The following ZBTB20 variants were observed in gnomAD, a reference collection of about 807,000 sequenced individuals.
ZBTB20 encodes zinc finger and BTB domain-containing protein 20.
Under a neutral mutation model 56.9 loss-of-function variants are expected in ZBTB20, and 9 were observed. That is an observed-to-expected ratio of 0.16 (90% CI 0.10 to 0.28). The LOEUF (loss-of-function observed/expected upper bound fraction) is 0.28, where lower values mean the gene tolerates loss of function less well. Among genes scored for constraint, ZBTB20 ranks in the 10% least tolerant of loss-of-function variants. The probability of loss-of-function intolerance (pLI) is 1.00; values close to 1 mark genes in which losing one functional copy is unlikely to be tolerated. For missense variants in ZBTB20, 655 were observed against 1,003.0 expected, an observed-to-expected ratio of 0.65 and a Z score of 4.69; for synonymous variants, 417 against 420.7, an observed-to-expected ratio of 0.99 and a Z score of 0.11.
chr3:114,693,072 G>T (rs1181653175), intron 6 of ZBTB20, among the ~76,000 whole-genome samples: 1 of 152,140 alleles, frequency 6.6e-6, no homozygotes, highest in East Asian at 1.9e-4. Flanking sequence ...ATCACTAAAT[G>T]TGTTTGGAGG....
intron 10 of ZBTB20, among the ~76,000 whole-genome samples, chr3:114,352,796 G>C (rs1442211468): frequency 1.3e-5 from 2 of 152,320 alleles, no homozygotes; most frequent in East Asian, 1.9e-4. Flanking sequence ...GAGTGAAAGA[G>C]AGCATTGTTA....
intron 7 of ZBTB20, among the ~76,000 whole-genome samples, chr3:114,477,066 C>CAAT: frequency 6.6e-6 from 1 of 152,254 alleles, no homozygotes; most frequent in East Asian, 1.9e-4. Flanking sequence ...TGTTAGTGTG[C>CAAT]AATAAATGTC....
chr3:114,773,866 T>C (rs2069397550), intron 5 of ZBTB20, among the ~76,000 whole-genome samples: 1 of 152,220 alleles, frequency 6.6e-6, no homozygotes, highest in Non-Finnish European at 1.5e-5. Context: ...CTTCAAAAAC[T>C]ATGATTATTT....
chr3:114,918,409 T>A lies in ZBTB20; in HGVS notation c.-455-18067A>T, dbSNP rs567887140. ...AGACAAAGTCCCCTTTTCTCTCCCA[T>A]CTGTTTTTCTCAAGCAGAAGTAGTC... On this transcript the variant is annotated intron_variant, in intron 3 of 11. Transcript: ENST00000675478. Among the ~76,000 whole-genome samples the A allele has an allele frequency of 3.9e-5, 6 of 152,042 alleles. No individual in the cohort carries two copies. The South Asian group carries it at 1.0e-3, about 26-fold the overall frequency.
intron 10 of ZBTB20, among the ~76,000 whole-genome samples, chr3:114,360,713 C>G (rs2108317223): frequency 6.6e-6 from 1 of 152,066 alleles, no homozygotes; most frequent in South Asian, 2.1e-4. Flanking sequence ...CCTTCTATCC[C>G]AAAGCAACAG....
In ZBTB20 at chr3:114,316,139, T is replaced by A. The variant is rs567140763; in HGVS notation, c.*22866A>T. On this transcript the variant is annotated 3_prime_UTR_variant, in exon 12 of 12. Coordinates refer to ENST00000675478, the MANE Select transcript of ZBTB20 (RefSeq NM_001348800.3). The stretch of plus-strand genomic sequence containing the variant: ...GTGACGAGTTTAAAAATGTTTTTCA[T>A]AGCCAGAAACTGAAATCAAATCAAC... 1 of 252,766 alleles carries A rather than the reference T, an allele frequency of 4.0e-6. No homozygotes were observed. Among genetic ancestry groups the A allele is most frequent in the African/African-American group, 2.4e-5 (1 of 42,140 alleles). The allele number at this position is 252,766 out of a possible 1,614,324, so 15.7% of individuals were successfully genotyped here.
chr3:114,617,172 C>T (rs2057997876), intron 6 of ZBTB20, among the ~76,000 whole-genome samples: 1 of 152,172 alleles, frequency 6.6e-6, no homozygotes. Context: ...TCCCTGAATG[C>T]CACAAGATGA....
At chr3:115,056,571 T>C (rs1254216812) in intron 2 of ZBTB20, among the ~76,000 whole-genome samples, 1 of 152,156 alleles carries the variant, frequency 6.6e-6, no homozygotes, top group East Asian at 1.9e-4. Flanking sequence ...TAGAATAATA[T>C]GTATTATATG....
intron 6 of ZBTB20, among the ~76,000 whole-genome samples, chr3:114,552,714 C>A (rs914992424): frequency 2.0e-5 from 3 of 152,060 alleles, no homozygotes; most frequent in Non-Finnish European, 2.9e-5. Flanking sequence ...CAATTTGATT[C>A]ATGTTTGTTG....
intron 6 of ZBTB20, among the ~76,000 whole-genome samples, chr3:114,550,246 CTTTA>C (rs977393056): frequency 2.0e-5 from 3 of 152,082 alleles, no homozygotes; most frequent in Non-Finnish European, 2.9e-5. Context: ...CCTATAACTT[CTTTA>C]TTTATTTTTT....
intron 7 of ZBTB20, among the ~76,000 whole-genome samples, chr3:114,467,444 G>A (rs897238217): frequency 1.3e-5 from 2 of 152,140 alleles, no homozygotes; most frequent in African/African-American, 4.8e-5. Flanking sequence ...AGAGTGTAAA[G>A]GTGAAGAATG....
chr3:114,864,043 T>C (rs1282511138), intron 4 of ZBTB20, among the ~76,000 whole-genome samples: 1 of 152,120 alleles, frequency 6.6e-6, no homozygotes, highest in Non-Finnish European at 1.5e-5. Context: ...GTGATATTGA[T>C]GTATTTGCTT....
chr3:114,620,479 A>T (rs1387704983), intron 6 of ZBTB20, among the ~76,000 whole-genome samples: 1 of 151,898 alleles, frequency 6.6e-6, no homozygotes, highest in Non-Finnish European at 1.5e-5. Context: ...TTTAGTAGAG[A>T]GGGGGTTTCT....
intron 5 of ZBTB20, among the ~76,000 whole-genome samples, chr3:114,743,276 T>C (rs921238714): frequency 1.3e-5 from 2 of 152,224 alleles, no homozygotes; most frequent in Middle Eastern, 3.4e-3. Context: ...CTTTCACAAA[T>C]GCAATAGGGT....
At chr3:114,364,704 C>T (rs2082222485) in intron 10 of ZBTB20, among the ~76,000 whole-genome samples, 1 of 152,206 alleles carries the variant, frequency 6.6e-6, no homozygotes, top group Non-Finnish European at 1.5e-5. Flanking sequence ...TAAAGGCTCA[C>T]AATATGCTCA....
chr3:115,088,331 A>C (rs2083063351), intron 1 of ZBTB20, among the ~76,000 whole-genome samples: 1 of 151,890 alleles, frequency 6.6e-6, no homozygotes, highest in Non-Finnish European at 1.5e-5. Context: ...TTAGAGAAGA[A>C]AATTGAAATA....
chr3:114,982,096 A>G (rs1243715169), intron 2 of ZBTB20, among the ~76,000 whole-genome samples: 1 of 152,060 alleles, frequency 6.6e-6, no homozygotes, highest in Non-Finnish European at 1.5e-5. Flanking sequence ...TAAGTGTGGA[A>G]TTATACAATC....
chr3:114,852,467 C>G (rs977472442), intron 4 of ZBTB20, among the ~76,000 whole-genome samples: 1 of 151,550 alleles, frequency 6.6e-6, no homozygotes, highest in Non-Finnish European at 1.5e-5. Flanking sequence ...TTTCACCATG[C>G]TGGCCAGGCT....
chr3:114,876,441 C>T (rs1322162614), intron 4 of ZBTB20: 2 of 151,892 alleles, frequency 1.3e-5, no homozygotes, highest in Non-Finnish European at 1.5e-5. Context: ...CAGAGCAAGA[C>T]CCCATCTCTA....
Sources: gnomAD v4.1 joint callset for allele counts (sites outside exome capture counted in the v4.1 genomes callset) on GRCh38, gnomAD v4.1.1 for gene constraint, MANE v1.5 for transcripts, NCBI Gene and HGNC (gene_info 2026-07-23, HGNC 2026-07-21) for gene names.